Variants in NFIB observed in about 807,000 individuals in gnomAD.
NFIB encodes nuclear factor I B.
In NFIB, 11 loss-of-function variants were observed where a neutral mutation model predicts 61.5. That is an observed-to-expected ratio of 0.18 (90% CI 0.11 to 0.30). The LOEUF is 0.30. NFIB is among the 10% of genes least tolerant of loss of function. The pLI, the probability that NFIB is intolerant of heterozygous loss-of-function variation, is 1.00. For synonymous variants in NFIB, 260 were observed against 216.5 expected (o/e 1.20, Z -1.76); for missense variants, 471 against 608.9 (o/e 0.77, Z 2.38).
chr9:14,131,135 G>T (rs1347668518), intron 6 of NFIB, among the ~76,000 whole-genome samples: 2 of 152,044 alleles, frequency 1.3e-5, no homozygotes, highest in Non-Finnish European at 2.9e-5. Context: ...TCACATTGAT[G>T]GTGTTATTCT....
At chr9:14,286,420 T>C (rs747796674) in intron 2 of NFIB, among the ~76,000 whole-genome samples, 1 of 152,230 alleles carries the variant, frequency 6.6e-6, no homozygotes, top group Non-Finnish European at 1.5e-5. Flanking sequence ...CTTGTATGCT[T>C]GTTATGTATA....
the NFIB span, among the ~76,000 whole-genome samples, chr9:14,454,449 C>G: frequency 6.6e-6 from 1 of 152,248 alleles, no homozygotes; most frequent in Non-Finnish European, 1.5e-5. Flanking sequence ...AACCCTCTCT[C>G]TTGCCTAGTT....
the NFIB span, among the ~76,000 whole-genome samples, chr9:14,511,103 G>C: frequency 6.6e-6 from 1 of 152,068 alleles, no homozygotes. Context: ...CTTCCAAAGA[G>C]TTTGTGTTAT....
chr9:14,106,592 AG>A (rs1252182572), intron 10 of NFIB, among the ~76,000 whole-genome samples: 2 of 152,118 alleles, frequency 1.3e-5, no homozygotes, highest in African/African-American at 4.8e-5. Flanking sequence ...GAAAAAGGAT[AG>A]GGGCCATCTG....
At chr9:14,492,925 A>G in the NFIB span, among the ~76,000 whole-genome samples, 1 of 152,184 alleles carries the variant, frequency 6.6e-6, no homozygotes. Context: ...AGCTGGGTAA[A>G]CTAACCTCTC....
intron 2 of NFIB, among the ~76,000 whole-genome samples, chr9:14,218,421 G>A (rs1282738105): frequency 2.6e-5 from 4 of 152,080 alleles, no homozygotes; most frequent in Non-Finnish European, 5.9e-5. Flanking sequence ...CTGGCATTCT[G>A]TCTAAGCCAA....
chr9:14,491,064 G>A, the NFIB span, among the ~76,000 whole-genome samples: 1 of 152,164 alleles, frequency 6.6e-6, no homozygotes, highest in Non-Finnish European at 1.5e-5. Flanking sequence ...ATGTGGGCTT[G>A]GAAGCTAGTC....
At chr9:14,211,538 AATACTAGTATAGT>A (rs1374770347) in intron 2 of NFIB, among the ~76,000 whole-genome samples, 2 of 152,254 alleles carry the variant, frequency 1.3e-5, no homozygotes, top group African/African-American at 2.4e-5. Context: ...ACCTTAAAAA[AATACTAGTATAGT>A]TACTCAAGGC....
chr9:14,213,556 T>A (rs903471099), intron 2 of NFIB, among the ~76,000 whole-genome samples: 1 of 152,230 alleles, frequency 6.6e-6, no homozygotes, highest in African/African-American at 2.4e-5. Context: ...CCAGTGCTGC[T>A]GGTCGTGGGA....
chr9:14,472,974 T>G, the NFIB span, among the ~76,000 whole-genome samples: 1 of 152,244 alleles, frequency 6.6e-6, no homozygotes. Flanking sequence ...CATTTCTAGC[T>G]TCCACAAACC....
chr9:14,314,718 C>CCTCCTT (rs1295448891), upstream of NFIB: 1 of 135,934 alleles, frequency 7.4e-6, no homozygotes, highest in Non-Finnish European at 1.6e-5. Context: ...TCCTCCTCCT[C>CCTCCTT]CTCCTTCTCC....
chr9:14,291,451 C>T (rs928200334), intron 2 of NFIB, among the ~76,000 whole-genome samples: 3 of 152,164 alleles, frequency 2.0e-5, no homozygotes, highest in African/African-American at 7.2e-5. Flanking sequence ...CGCCACTGCA[C>T]TCCAGTCTGG....
At chr9:14,464,376 A>G in the NFIB span, among the ~76,000 whole-genome samples, 3 of 152,182 alleles carry the variant, frequency 2.0e-5, no homozygotes. Context: ...ATTATCTCTT[A>G]GGCAGTGCTG....
chr9:14,427,592 G>A, the NFIB span, among the ~76,000 whole-genome samples: 1 of 152,172 alleles, frequency 6.6e-6, no homozygotes, highest in Non-Finnish European at 1.5e-5. Context: ...CTCTGGATAA[G>A]GAGCTCAGCT....
intron 2 of NFIB, among the ~76,000 whole-genome samples, chr9:14,205,978 C>G (rs2049647280): frequency 6.6e-6 from 1 of 151,962 alleles, no homozygotes; most frequent in African/African-American, 2.4e-5. Context: ...CTTTTTACAG[C>G]AGAATAATTT....
At position 14,248,510 on chromosome 9, in the gene NFIB, G is replaced by T. The variant is rs949012130; in HGVS notation, c.562+58479C>A. ...GGTCTCAAACTCTTGAACTCAAGCA[G>T]TCCTCCTGCCTTAGCCTCCCCAAAT... On this transcript the variant is annotated intron_variant, in intron 2 of 10. Transcript: ENST00000380953. 4.6e-5 allele frequency among the ~76,000 whole-genome samples: 7 copies of T among 152,082 alleles called. No homozygotes were observed. In the East Asian group the frequency reaches 1.4e-3, roughly 30 times the overall value.
chr9:14,098,262 T>C (rs1464983999), intron 10 of NFIB, among the ~76,000 whole-genome samples: 1 of 152,202 alleles, frequency 6.6e-6, no homozygotes, highest in Non-Finnish European at 1.5e-5. Context: ...TGAAGACTTC[T>C]TCTATGTTTA....
At chr9:14,122,038 T>A (rs1165735041) in intron 7 of NFIB, among the ~76,000 whole-genome samples, 1 of 152,078 alleles carries the variant, frequency 6.6e-6, no homozygotes, top group Non-Finnish European at 1.5e-5. Flanking sequence ...ATTTCCCAAT[T>A]CAAATAATAG....
chr9:14,149,576 C>T (rs1181681139), intron 5 of NFIB, among the ~76,000 whole-genome samples: 2 of 152,094 alleles, frequency 1.3e-5, no homozygotes, highest in African/African-American at 4.8e-5. Context: ...CTCTCTCTAG[C>T]TGACCCCCAA....
Sources: allele counts gnomAD v4.1 joint callset (sites outside exome capture counted in the v4.1 genomes callset), GRCh38; gene constraint gnomAD v4.1.1; transcripts MANE v1.5; gene names NCBI Gene and HGNC (gene_info 2026-07-23, HGNC 2026-07-21).